PHIP: variants seen among roughly 807,000 people sequenced by gnomAD.
PHIP encodes PHIP subunit of CUL4-Ring ligase complex.
PHIP carries 54 observed loss-of-function variants against 236.8 expected under a neutral mutation model. The observed-to-expected ratio is 0.23, with a 90% confidence interval of 0.18 to 0.29. The LOEUF (loss-of-function observed/expected upper bound fraction) is 0.29, where lower values mean the gene tolerates loss of function less well. Ranked by LOEUF, PHIP falls within the 10% of genes least tolerant of loss-of-function variation. The pLI is 1.00. For missense variants in PHIP, 1,370 were observed against 2,190.8 expected (o/e 0.63, Z 7.48); for synonymous variants, 756 against 718.9 (o/e 1.05, Z -0.83).
At chr6:78,972,703 A>G (rs901607259) in intron 24 of PHIP, among the ~76,000 whole-genome samples, 13 of 152,216 alleles carry the variant, frequency 8.5e-5, no homozygotes, top group Non-Finnish European at 1.6e-4. Context: ...AGAGCTGAAA[A>G]CCAAGGCTCG....
intron 29 of PHIP, among the ~76,000 whole-genome samples, chr6:78,965,055 C>A (rs1490238159): frequency 2.0e-5 from 3 of 152,130 alleles, no homozygotes; most frequent in Non-Finnish European, 4.4e-5. Context: ...ATACTCACTG[C>A]CTAAGGCTAA....
chr6:79,050,476 C>T (rs1402477309), intron 6 of PHIP, among the ~76,000 whole-genome samples: 1 of 152,160 alleles, frequency 6.6e-6, no homozygotes, highest in Non-Finnish European at 1.5e-5. Context: ...GTACCCTTAA[C>T]TATTATATGC....
intron 8 of PHIP, 27 bp from the exon 9 acceptor site, chr6:79,025,646 T>C (rs1771360510): frequency 2.1e-6 from 3 of 1,396,376 alleles, no homozygotes; most frequent in Non-Finnish European, 1.0e-6. Flanking sequence ...AGAAAAAAAA[T>C]CTTTACAAGA....
At chr6:79,015,059 A>G in intron 15 of PHIP, 23 bp downstream of exon 15, 6 of 1,598,574 alleles carry the variant, frequency 3.8e-6, no homozygotes, top group Non-Finnish European at 4.3e-6. Flanking sequence ...TAGTAGGTAT[A>G]AAATGAAGAG....
chr6:79,005,222 G>A (rs1031520034), intron 15 of PHIP, among the ~76,000 whole-genome samples: 19 of 151,956 alleles, frequency 1.3e-4, no homozygotes, highest in Admixed American at 9.8e-4. Context: ...ATTATATCTC[G>A]AGTGTGAAGA....
intron 23 of PHIP, among the ~76,000 whole-genome samples, chr6:78,979,153 C>T (rs1768334658): frequency 1.3e-5 from 2 of 152,034 alleles, no homozygotes; most frequent in South Asian, 2.1e-4. Flanking sequence ...ACCAATCCTC[C>T]GTGTCTACTG....
chr6:78,953,528 C>G (rs2127689530), intron 35 of PHIP, among the ~76,000 whole-genome samples: 1 of 152,230 alleles, frequency 6.6e-6, no homozygotes, highest in East Asian at 1.9e-4. Context: ...GAAATGAAAG[C>G]CAGAACATTA....
intron 33 of PHIP, 81 bp downstream of exon 33, chr6:78,955,532 G>C (rs2127691718): frequency 1.7e-6 from 1 of 587,358 alleles, no homozygotes; most frequent in East Asian, 3.1e-5. Context: ...GTTCACAACA[G>C]CTTTTACCTG....
Position 78,958,672 on chromosome 6 carries a change from G to T in PHIP, c.3657-72C>A, listed in dbSNP as rs1009398160. On this transcript the variant is annotated intron_variant, in intron 31 of 39. Coordinates refer to ENST00000275034, the MANE Select transcript of PHIP (RefSeq NM_017934.7). ...ATATGTGTACATCATTTAAAACCAA[G>T]ACATTCCAACTTTTCAACTTCAGTC... The T allele has an allele frequency of 3.3e-6, 3 of 920,532 alleles. No homozygotes were observed. In the African/African-American group the frequency reaches 5.1e-5, roughly 16 times the overall value. The allele number at this position is 920,532 out of a possible 1,614,324, so 57.0% of individuals were successfully genotyped here. A position where few individuals can be genotyped will look rare whatever the true frequency, so the allele number is the denominator to read the frequency against.
At chr6:79,003,080 T>C (rs1181817812) in intron 16 of PHIP, among the ~76,000 whole-genome samples, 1 of 152,150 alleles carries the variant, frequency 6.6e-6, no homozygotes, top group Non-Finnish European at 1.5e-5. Flanking sequence ...TTAATTCTTT[T>C]AGTCACTAAT....
In PHIP at chr6:79,057,643, C is replaced by T. The variant is rs149367440; in HGVS notation, c.439+2835G>A. On this transcript the variant is annotated intron_variant, in intron 6 of 39. Transcript: ENST00000275034. ...TATCAAGAATTTTTTCTTACCTCCA[C>T]TGATACTTGGTAATACCACACTGAC... Among the ~76,000 whole-genome samples the T allele has an allele frequency of 2.5e-3, 374 of 152,222 alleles. 4 individuals are homozygous for T. The highest frequency in any genetic ancestry group is 8.5e-3 in the African/African-American group (353 of 41,538).
intron 19 of PHIP, among the ~76,000 whole-genome samples, 186 bp from the exon 20 acceptor site, chr6:78,991,171 G>A (rs1769217500): frequency 6.6e-6 from 1 of 152,104 alleles, no homozygotes; most frequent in Non-Finnish European, 1.5e-5. Flanking sequence ...TTAAATGACT[G>A]AAATAATGGA....
chr6:78,967,574 T>C (rs1246018415), intron 27 of PHIP, among the ~76,000 whole-genome samples: 1 of 152,208 alleles, frequency 6.6e-6, no homozygotes, highest in Non-Finnish European at 1.5e-5. Flanking sequence ...TAATTTTAAA[T>C]GGCAGTCGGT....
Position 78,970,807 on chromosome 6 carries a change from G to GT in PHIP, c.2970dup (p.Gln991ThrfsTer5). ...CGTAGCTCCATTTTATGCCATGGTT[G>GT]TTTTTTGGGATTGATACTATATATT... On this transcript the variant is annotated frameshift_variant, in exon 25 of 40. Coordinates refer to ENST00000275034, the MANE Select transcript of PHIP (RefSeq NM_017934.7). LOFTEE classifies it high-confidence loss of function. 1 of 1,608,868 alleles carries GT rather than the reference G, an allele frequency of 6.2e-7. No homozygotes were observed. The highest frequency in any genetic ancestry group is 1.1e-5 in the South Asian group (1 of 90,098).
At chr6:78,945,744 C>T (rs1773778819) in intron 38 of PHIP, 4 of 601,220 alleles carry the variant, frequency 6.7e-6, no homozygotes, top group Non-Finnish European at 1.2e-5. Flanking sequence ...AAATTGCTAG[C>T]TAGTGTGGGT....
intron 27 of PHIP, 37 bp from the exon 28 acceptor site, chr6:78,966,093 T>C (rs1562131356): frequency 2.4e-6 from 3 of 1,229,888 alleles, no homozygotes; most frequent in South Asian, 1.2e-5. Context: ...CATTCTGAAA[T>C]GCATGGCTGC....
In PHIP at chr6:79,047,046, T is replaced by C. The variant is rs373728569; in HGVS notation, c.440-4043A>G. ...ACGTATTCACTTAATTTTCTGAATA[T>C]AGAGGATAAATGAAATAAAAATTCC... On this transcript the variant is annotated intron_variant, in intron 6 of 39. Coordinates refer to ENST00000275034, the MANE Select transcript of PHIP (RefSeq NM_017934.7). Among the ~76,000 whole-genome samples, 16 of 152,264 alleles carry C rather than the reference T, an allele frequency of 1.1e-4. No individual in the cohort carries two copies. The South Asian group carries it at 1.7e-3, about 16-fold the overall frequency.
chr6:78,973,188 A>G (rs1447246690), intron 24 of PHIP, among the ~76,000 whole-genome samples: 1 of 152,078 alleles, frequency 6.6e-6, no homozygotes, highest in African/African-American at 2.4e-5. Context: ...CTCAGCAGAA[A>G]CTCTACAAGC....
At position 79,033,402 on chromosome 6, in the gene PHIP, G is replaced by A. The variant is rs144948650; in HGVS notation, c.601-7238C>T. Among the ~76,000 whole-genome samples, 97 of 152,314 alleles carry A rather than the reference G, an allele frequency of 6.4e-4. 1 individual carries two copies. The South Asian group carries it at 8.1e-3, about 13-fold the overall frequency. ...CCTGTAATTGAGAATCTATTGCTTA[G>A]TGTAGCAACTTTCTTCAATGATCTT... On this transcript the variant is annotated intron_variant, in intron 7 of 39. Transcript: ENST00000275034.
Sources: gnomAD v4.1 joint callset for allele counts (sites outside exome capture counted in the v4.1 genomes callset) on GRCh38, gnomAD v4.1.1 for gene constraint, MANE v1.5 for transcripts, NCBI Gene and HGNC (gene_info 2026-07-23, HGNC 2026-07-21) for gene names.